The following GAD2 variants were observed in gnomAD, a reference collection of about 807,000 sequenced individuals.
GAD2 encodes 65 kDa glutamic acid decarboxylase.
A neutral mutation model predicts 80.1 loss-of-function variants in GAD2; 22 were observed. That is an observed-to-expected ratio of 0.27 (90% CI 0.20 to 0.39). The LOEUF (loss-of-function observed/expected upper bound fraction) is 0.39. Among genes scored for constraint, GAD2 ranks in the 10% least tolerant of loss-of-function variants. GAD2 has a pLI of 1.00. For missense variants in GAD2, 624 were observed against 738.4 expected, an observed-to-expected ratio of 0.85 and a Z score of 1.80; for synonymous variants, 274 against 256.9, an observed-to-expected ratio of 1.07 and a Z score of -0.64.
At chr10:26,223,058 A>C (rs531914018) in intron 4 of GAD2, among the ~76,000 whole-genome samples, 25 of 152,318 alleles carry the variant, frequency 1.6e-4, no homozygotes, top group Admixed American at 9.8e-4. Context: ...GCCTCAGGAG[A>C]GTGTGGATGT....
intron 4 of GAD2, among the ~76,000 whole-genome samples, chr10:26,219,986 G>C (rs1844433070): frequency 1.3e-5 from 2 of 152,270 alleles, no homozygotes; most frequent in African/African-American, 2.4e-5. Context: ...ATGTACTTTT[G>C]TGGTCTCTTG....
intron 8 of GAD2, among the ~76,000 whole-genome samples, chr10:26,267,732 T>C (rs1420542358): frequency 2.6e-5 from 4 of 152,114 alleles, no homozygotes; most frequent in African/African-American, 9.7e-5. Context: ...ATGTCTGCTT[T>C]ATATTCCAAT....
At chr10:26,291,795 G>A (rs1301687837) in intron 13 of GAD2, among the ~76,000 whole-genome samples, 1 of 152,154 alleles carries the variant, frequency 6.6e-6, no homozygotes, top group Non-Finnish European at 1.5e-5. Flanking sequence ...TGTTGTGTTG[G>A]TTTTCCCAAG....
chr10:26,274,102 AAAT>A (rs1207165322), intron 11 of GAD2, among the ~76,000 whole-genome samples: 7 of 152,330 alleles, frequency 4.6e-5, no homozygotes, highest in African/African-American at 1.7e-4. Flanking sequence ...TGCTTAAAAA[AAAT>A]AATAATTTTT....
At chr10:26,222,675 T>C (rs1844468273) in intron 4 of GAD2, among the ~76,000 whole-genome samples, 1 of 152,184 alleles carries the variant, frequency 6.6e-6, no homozygotes, top group African/African-American at 2.4e-5. Flanking sequence ...CAAGTCCTGA[T>C]CCCGCTAAAA....
chr10:26,236,302 C>CT (rs201706752), intron 7 of GAD2, among the ~76,000 whole-genome samples: 34,927 of 137,382 alleles, frequency 0.25, 5,352 homozygotes, highest in African/African-American at 0.42. Context: ...TTTCTTTTTT[C>CT]TTTTTTTTTT....
At chr10:26,218,084 A>T in intron 3 of GAD2, 93 bp downstream of exon 3, 2 of 1,323,404 alleles carry the variant, frequency 1.5e-6, no homozygotes, top group Non-Finnish European at 2.1e-6. Flanking sequence ...AGAGCCGGAC[A>T]GGGGCGTCGA....
rs1207503880 is a variant in GAD2 at position 26,217,880 on chromosome 10, G to C, written c.175G>C (p.Gly59Arg). 1.6e-5 allele frequency: 25 copies of C among 1,605,806 alleles called. No individual in the cohort carries two copies. The highest frequency in any genetic ancestry group is 2.0e-5 in the Non-Finnish European group (24 of 1,176,348). ...YGDAEKPAES[G>R]GSQPPRAAAR... ...AGACGCCGAGAAGCCGGCGGAGAGC[G>C]GCGGGAGCCAACCCCCGCGGGCCGC... The change falls in exon 3 of 16, where the codon GGC becomes CGC. Residue 59 changes from glycine (G) to arginine (R), a missense_variant. Gly to Arg is a moderately radical substitution (Grantham distance 125, BLOSUM62 -2). Transcript: ENST00000376261. This position sits in a 1 kb window ranked among gnomAD's most constrained non-coding sequence, Gnocchi z 4.9.
intron 7 of GAD2, among the ~76,000 whole-genome samples, chr10:26,233,741 CA>C (rs1844634469): frequency 6.6e-6 from 1 of 152,210 alleles, no homozygotes; most frequent in South Asian, 2.1e-4. Flanking sequence ...AGTCATTTCT[CA>C]AATGCCTTTT....
intron 6 of GAD2, among the ~76,000 whole-genome samples, chr10:26,227,340 G>A (rs1177605305): frequency 2.0e-5 from 3 of 152,228 alleles, no homozygotes; most frequent in African/African-American, 7.2e-5. Context: ...TCATGCCTCT[G>A]TTACACAAAA....
At chr10:26,288,340 A>G (rs1452656464) in intron 13 of GAD2, among the ~76,000 whole-genome samples, 14 of 152,214 alleles carry the variant, frequency 9.2e-5, no homozygotes, top group Admixed American at 9.2e-4. Context: ...TTAGGCAGCT[A>G]CAAGAAGCTA....
At chr10:26,225,807 T>G (rs935175319) in intron 6 of GAD2, among the ~76,000 whole-genome samples, 2 of 152,224 alleles carry the variant, frequency 1.3e-5, no homozygotes, top group Non-Finnish European at 2.9e-5. Flanking sequence ...GAAGGGAAAA[T>G]TAGCCTTTTA....
intron 11 of GAD2, among the ~76,000 whole-genome samples, chr10:26,275,902 C>T (rs969408017): frequency 2.0e-5 from 3 of 152,150 alleles, no homozygotes; most frequent in African/African-American, 7.2e-5. Context: ...TGCTTGTAAT[C>T]CCAGGACTTT....
At chr10:26,278,675 T>TAAG (rs1411290712) in intron 11 of GAD2, among the ~76,000 whole-genome samples, 3 of 152,148 alleles carry the variant, frequency 2.0e-5, no homozygotes, top group Admixed American at 6.5e-5. Flanking sequence ...TATTACTCAT[T>TAAG]AAGTCCTTTA....
intron 11 of GAD2, 48 bp downstream of exon 11, chr10:26,273,748 T>C: frequency 1.3e-6 from 2 of 1,491,748 alleles, no homozygotes; most frequent in South Asian, 2.3e-5. Context: ...AAAAGCTAAC[T>C]GTGAAACACA....
In GAD2 at chr10:26,303,624, TG is replaced by T. The variant is rs1834352255; in HGVS notation, c.*2664del. The stretch of plus-strand genomic sequence containing the variant: ...GTTTGGTTTTAGCTTTAATCAGAAC[TG>T]ACATGGCCATTTTCATTTATACAGC... On this transcript the variant is annotated 3_prime_UTR_variant, in exon 16 of 16. Coordinates refer to ENST00000376261, the MANE Select transcript of GAD2 (RefSeq NM_001134366.2). 6.6e-6 allele frequency: 1 copy of T among 152,236 alleles called. No individual in the cohort carries two copies. The allele number at this position is 152,236 out of a possible 1,614,324, so 9.4% of individuals were successfully genotyped here.
At chr10:26,238,322 G>A (rs564511293) in intron 7 of GAD2, among the ~76,000 whole-genome samples, 28 of 152,218 alleles carry the variant, frequency 1.8e-4, no homozygotes, top group African/African-American at 6.7e-4. Context: ...AATAGAAGCA[G>A]GTGTCAAACC....
In GAD2 at chr10:26,288,774, C is replaced by T. The variant is rs567113954; in HGVS notation, c.1386+2280C>T. 2.7e-3 allele frequency among the ~76,000 whole-genome samples: 407 copies of T among 152,174 alleles called. 1 individual carries two copies. Among genetic ancestry groups the T allele is most frequent in the Non-Finnish European group, 4.0e-3 (273 of 68,014 alleles). ...ATCATCAGTGATATTTATAGGAAAA[C>T]GTTTCTCTCATGGTTCATCAGTTTC... On this transcript the variant is annotated intron_variant, in intron 13 of 15. Coordinates refer to ENST00000376261, the MANE Select transcript of GAD2 (RefSeq NM_001134366.2).
chr10:26,268,301 T>C (rs966768864), intron 8 of GAD2, among the ~76,000 whole-genome samples: 6 of 152,116 alleles, frequency 3.9e-5, no homozygotes, highest in Non-Finnish European at 7.4e-5. Context: ...ACCCCGTCTC[T>C]ACTAAAAATA....
Sources: gnomAD v4.1 joint callset for allele counts (sites outside exome capture counted in the v4.1 genomes callset) on GRCh38, gnomAD v4.1.1 for gene constraint, Gnocchi (gnomAD v3.1) non-coding constraint, MANE v1.5 for transcripts, NCBI Gene and HGNC (gene_info 2026-07-23, HGNC 2026-07-21) for gene names.